The following TEAD1 variants were observed in gnomAD, a reference collection of about 807,000 sequenced individuals.
TEAD1 encodes the protein TEA domain transcription factor 1, also known as transcriptional enhancer factor TEF-1.
TEAD1 carries 9 observed loss-of-function variants against 54.9 expected under a neutral mutation model. The ratio of observed to expected loss-of-function variants is 0.16; its 90% confidence interval spans 0.10 to 0.29. The LOEUF (loss-of-function observed/expected upper bound fraction) is 0.29. Ranked by LOEUF, TEAD1 falls within the 10% of genes least tolerant of loss-of-function variation. TEAD1 has a pLI of 1.00. For synonymous variants in TEAD1, 200 were observed against 187.8 expected, an observed-to-expected ratio of 1.07 and a Z score of -0.53; for missense variants, 387 against 535.9, an observed-to-expected ratio of 0.72 and a Z score of 2.74.
At chr11:12,792,941 C>T (rs1228759428) in intron 3 of TEAD1, among the ~76,000 whole-genome samples, 1 of 152,106 alleles carries the variant, frequency 6.6e-6, no homozygotes, top group African/African-American at 2.4e-5. Context: ...CTGTAGTCAG[C>T]TACTCAGAGG....
chr11:12,856,575 A>G (rs894982447), intron 3 of TEAD1, among the ~76,000 whole-genome samples: 4 of 152,124 alleles, frequency 2.6e-5, no homozygotes, highest in East Asian at 3.9e-4. Context: ...TCGATAATCT[A>G]GTAGTACTAC....
At chr11:12,761,316 G>A (rs1031039506) in intron 2 of TEAD1, among the ~76,000 whole-genome samples, 6 of 152,174 alleles carry the variant, frequency 3.9e-5, no homozygotes, top group Non-Finnish European at 8.8e-5. Context: ...CTTATATTGA[G>A]TTGGAATATT....
At chr11:12,880,176 TC>T (rs2134095186) in intron 6 of TEAD1, among the ~76,000 whole-genome samples, 1 of 152,282 alleles carries the variant, frequency 6.6e-6, no homozygotes, top group African/African-American at 2.4e-5. Context: ...TCAGGCGTCT[TC>T]TCTCTTTATC....
chr11:12,802,535 A>G (rs561882425), intron 3 of TEAD1, among the ~76,000 whole-genome samples: 17 of 152,100 alleles, frequency 1.1e-4, no homozygotes, highest in African/African-American at 1.4e-4. Context: ...TTGACAAAAC[A>G]CTATTTAGGA....
intron 3 of TEAD1, among the ~76,000 whole-genome samples, chr11:12,854,876 G>A (rs899937402): frequency 2.6e-5 from 4 of 151,360 alleles, no homozygotes; most frequent in Admixed American, 6.6e-5. Flanking sequence ...GATTACAGGC[G>A]TGAGCCACTG....
At chr11:12,808,252 G>A (rs1590171310) in intron 3 of TEAD1, among the ~76,000 whole-genome samples, 1 of 152,006 alleles carries the variant, frequency 6.6e-6, no homozygotes, top group Non-Finnish European at 1.5e-5. Context: ...ATAGGTCATA[G>A]TAGGCTCATA....
At chr11:12,852,085 A>G (rs536235500) in intron 3 of TEAD1, among the ~76,000 whole-genome samples, 17 of 152,306 alleles carry the variant, frequency 1.1e-4, no homozygotes, top group African/African-American at 4.1e-4. Flanking sequence ...TGCAGGTAAA[A>G]GAGAAGAGAA....
At chr11:12,821,781 C>A (rs1298258386) in intron 3 of TEAD1, among the ~76,000 whole-genome samples, 2 of 151,962 alleles carry the variant, frequency 1.3e-5, no homozygotes, top group East Asian at 1.9e-4. Context: ...CCAGTATTAG[C>A]ATTGATATGA....
chr11:12,752,901 C>T (rs1944904835), intron 2 of TEAD1, among the ~76,000 whole-genome samples: 2 of 151,526 alleles, frequency 1.3e-5, no homozygotes, highest in South Asian at 4.2e-4. Context: ...AGTGCGGTGG[C>T]GTGATCACAG....
chr11:12,797,079 C>T (rs1056668650), intron 3 of TEAD1, among the ~76,000 whole-genome samples: 1 of 80,990 alleles, frequency 1.2e-5, no homozygotes, highest in African/African-American at 3.8e-5. Flanking sequence ...CGCCACTGCT[C>T]TCCAGCCTGG....
At chr11:12,683,673 T>G (rs1018954826) in intron 2 of TEAD1, among the ~76,000 whole-genome samples, 1 of 152,138 alleles carries the variant, frequency 6.6e-6, no homozygotes, top group Non-Finnish European at 1.5e-5. Context: ...TTCTCCTGAG[T>G]AATGAACTTA....
rs78030137 is a variant in TEAD1, at chr11:12,749,672, C to G, written c.-54-14507C>G. ...CATCAGACTTTCTGTCCGTACCTCTCTTGGACTGGGCGTCTTGCCCCCACT... is the reference window on the plus strand; with the variant it reads ...CATCAGACTTTCTGTCCGTACCTCTGTTGGACTGGGCGTCTTGCCCCCACT... On this transcript the variant is annotated intron_variant, in intron 2 of 12. Transcript: ENST00000527636. Among the ~76,000 whole-genome samples, 879 of 152,336 alleles carry G rather than the reference C, an allele frequency of 5.8e-3. 4 individuals carry two copies. The highest frequency in any genetic ancestry group is 0.02 in the African/African-American group (830 of 41,584).
At chr11:12,871,960 C>T (rs1042410952) in intron 5 of TEAD1, among the ~76,000 whole-genome samples, 1 of 152,110 alleles carries the variant, frequency 6.6e-6, no homozygotes, top group Non-Finnish European at 1.5e-5. Flanking sequence ...TGTCCAGTCG[C>T]CGGTGACTAA....
chr11:12,886,139 A>G (rs1264830919), intron 9 of TEAD1, among the ~76,000 whole-genome samples: 3 of 152,262 alleles, frequency 2.0e-5, no homozygotes, highest in African/African-American at 4.8e-5. Context: ...AGAATATTCC[A>G]GAGGTGATGA....
At chr11:12,874,488 T>C (rs948233129) in intron 5 of TEAD1, among the ~76,000 whole-genome samples, 10 of 152,230 alleles carry the variant, frequency 6.6e-5, no homozygotes, top group African/African-American at 2.4e-4. Flanking sequence ...CAGAGAGCTA[T>C]AGCAGCAGTA....
At chr11:12,883,725 A>T (rs889053884) in intron 9 of TEAD1, among the ~76,000 whole-genome samples, 1 of 152,114 alleles carries the variant, frequency 6.6e-6, no homozygotes, top group Non-Finnish European at 1.5e-5. Context: ...ACTTCTTAAG[A>T]AGAAGTGGCC....
intron 10 of TEAD1, chr11:12,921,247 T>C (rs1046060346): frequency 6.6e-6 from 1 of 152,184 alleles, no homozygotes; most frequent in African/African-American, 2.4e-5. Flanking sequence ...TTAAAAAATG[T>C]TGGGCTGCGC....
At chr11:12,935,750 G>A (rs1036984692) in intron 12 of TEAD1, among the ~76,000 whole-genome samples, 1 of 152,132 alleles carries the variant, frequency 6.6e-6, no homozygotes, top group Non-Finnish European at 1.5e-5. Flanking sequence ...GAGCCACCAC[G>A]CCCGGCCCAG....
chr11:12,739,241 T>A (rs1376994601), intron 2 of TEAD1, among the ~76,000 whole-genome samples: 2 of 152,030 alleles, frequency 1.3e-5, no homozygotes, highest in Non-Finnish European at 2.9e-5. Flanking sequence ...TCTATCTATC[T>A]ATCAGTCATC....
Sources: allele counts gnomAD v4.1 joint callset (sites outside exome capture counted in the v4.1 genomes callset), GRCh38; gene constraint gnomAD v4.1.1; transcripts MANE v1.5; gene names NCBI Gene and HGNC (gene_info 2026-07-23, HGNC 2026-07-21).